ARHGAP20: variants seen among roughly 807,000 people sequenced by gnomAD.
The protein encoded by ARHGAP20 is Rho GTPase activating protein 20.
Under a neutral mutation model 73.7 loss-of-function variants are expected in ARHGAP20, and 34 were observed. That is an observed-to-expected ratio of 0.46 (90% CI 0.35 to 0.61). The LOEUF is 0.61. Ranked by LOEUF, ARHGAP20 falls within the 20% of genes least tolerant of loss-of-function variation. The probability of loss-of-function intolerance (pLI) is 0.00; values close to 1 mark genes in which losing one functional copy is unlikely to be tolerated. For synonymous variants in ARHGAP20, 523 were observed against 518.2 expected (o/e 1.01, Z -0.13); for missense variants, 1,314 against 1,420.9 (o/e 0.92, Z 1.21).
intron 9 of ARHGAP20, among the ~76,000 whole-genome samples, chr11:110,601,286 A>G (rs1438089581): frequency 2.0e-5 from 3 of 152,252 alleles, no homozygotes; most frequent in Non-Finnish European, 2.9e-5. Flanking sequence ...CTATGTTTAT[A>G]CTATGTGCCA....
intron 3 of ARHGAP20, among the ~76,000 whole-genome samples, chr11:110,626,985 G>A (rs1948757690): frequency 6.6e-6 from 1 of 152,198 alleles, no homozygotes; most frequent in South Asian, 2.1e-4. Flanking sequence ...CTAATTTAAT[G>A]TGAACCGGCT....
At chr11:110,608,746 A>G (rs1423871276) in intron 8 of ARHGAP20, among the ~76,000 whole-genome samples, 1 of 152,236 alleles carries the variant, frequency 6.6e-6, no homozygotes, top group Non-Finnish European at 1.5e-5. Flanking sequence ...TTGTCAAATG[A>G]AAAAGCAGAG....
intron 2 of ARHGAP20, among the ~76,000 whole-genome samples, chr11:110,656,776 T>G (rs12282524): frequency 0.018 from 2,715 of 152,322 alleles, 91 homozygotes; most frequent in African/African-American, 0.062. Flanking sequence ...AAACTTTTTT[T>G]GGGAGAAAAT....
At position 110,579,688 on chromosome 11, in the gene ARHGAP20, C is replaced by G; in HGVS notation, c.3258G>C (p.Leu1086=). 1 of 1,614,222 alleles carries G rather than the reference C, an allele frequency of 6.2e-7. No individual in the cohort carries two copies. Among genetic ancestry groups the G allele is most frequent in the East Asian group, 2.2e-5 (1 of 44,884 alleles). Residue 1086 remains leucine (L), a synonymous_variant, in exon 15 of 15, where the codon CTG becomes CTC. Coordinates refer to ENST00000683387, the MANE Select transcript of ARHGAP20 (RefSeq NM_001384657.1). ...AGGGCAAGTCTTTTTGTTCCTCTTG[C>G]AGTGAGTTGGCTTCTGGAACACCAG... ...HASGVPEANS[L]QEEQKDLPLR...
At chr11:110,636,919 C>T (rs1948980521) in intron 2 of ARHGAP20, among the ~76,000 whole-genome samples, 1 of 151,796 alleles carries the variant, frequency 6.6e-6, no homozygotes, top group African/African-American at 2.4e-5. Context: ...TCTATTTAGC[C>T]TTTTAATATA....
intron 2 of ARHGAP20, among the ~76,000 whole-genome samples, chr11:110,657,769 C>T (rs1281365901): frequency 1.3e-5 from 2 of 152,010 alleles, no homozygotes; most frequent in Admixed American, 6.6e-5. Context: ...GTGGCACATG[C>T]TTGTACTCCC....
At chr11:110,648,221 G>GTAAATATATA (rs1949257915) in intron 2 of ARHGAP20, among the ~76,000 whole-genome samples, 2 of 76,666 alleles carry the variant, frequency 2.6e-5, no homozygotes, top group African/African-American at 4.9e-5. Flanking sequence ...ATATATATAT[G>GTAAATATATA]TATATATATA....
chr11:110,676,770 G>A (rs998892928), intron 2 of ARHGAP20, among the ~76,000 whole-genome samples: 1 of 151,412 alleles, frequency 6.6e-6, no homozygotes, highest in Non-Finnish European at 1.5e-5. Context: ...TGAAAAGTAG[G>A]TATTCTATAA....
chr11:110,694,096 T>C (rs1950292445), intron 1 of ARHGAP20, among the ~76,000 whole-genome samples: 1 of 151,910 alleles, frequency 6.6e-6, no homozygotes. Flanking sequence ...TTTGATATCG[T>C]ATCACTTACC....
chr11:110,578,026 G>C lies in ARHGAP20; in HGVS notation c.*1344C>G. ...CAGAGCAACTTCTTATAGGTTAGTA[G>C]TTAATGTGAAAGAAGATGCACATCC... On this transcript the variant is annotated 3_prime_UTR_variant, in exon 15 of 15. Transcript: ENST00000683387. 2 of 985,378 alleles carry C rather than the reference G, an allele frequency of 2.0e-6. No individual in the cohort carries two copies. Among genetic ancestry groups the C allele is most frequent in the South Asian group, 9.4e-5 (2 of 21,274 alleles). 61.0% of individuals were successfully genotyped at this position (985,378 alleles called of 1,614,324 possible). A position where few individuals can be genotyped will look rare whatever the true frequency, so the allele number is the denominator to read the frequency against.
intron 7 of ARHGAP20, among the ~76,000 whole-genome samples, chr11:110,610,894 A>T (rs1948350954): frequency 6.6e-6 from 1 of 152,148 alleles, no homozygotes; most frequent in South Asian, 2.1e-4. Flanking sequence ...TTCAGAATTC[A>T]TCATCCTAAG....
intron 2 of ARHGAP20, among the ~76,000 whole-genome samples, chr11:110,687,237 A>AG (rs1950155536): frequency 6.8e-6 from 1 of 147,984 alleles, no homozygotes; most frequent in Non-Finnish European, 1.5e-5. Flanking sequence ...TGCCCGGCTA[A>AG]TTTTTTTTTT....
chr11:110,599,677 TA>T (rs971247314), intron 9 of ARHGAP20, among the ~76,000 whole-genome samples: 3 of 152,184 alleles, frequency 2.0e-5, no homozygotes, highest in Non-Finnish European at 2.9e-5. Flanking sequence ...CATGGACAAA[TA>T]AGCCAGCTCT....
intron 1 of ARHGAP20, among the ~76,000 whole-genome samples, chr11:110,694,784 T>G (rs984014227): frequency 5.9e-5 from 9 of 151,646 alleles, no homozygotes; most frequent in African/African-American, 2.2e-4. Flanking sequence ...GCAAGCATAT[T>G]TTTGCATTCC....
At chr11:110,582,692 T>C (rs1361001605) in intron 13 of ARHGAP20, among the ~76,000 whole-genome samples, 6 of 152,240 alleles carry the variant, frequency 3.9e-5, no homozygotes, top group African/African-American at 1.4e-4. Flanking sequence ...TGGCTCTGTC[T>C]GTAAAATTGG....
At chr11:110,601,827 T>TA (rs1417413319) in intron 9 of ARHGAP20, among the ~76,000 whole-genome samples, 10 of 150,796 alleles carry the variant, frequency 6.6e-5, no homozygotes, top group African/African-American at 2.5e-4. Context: ...CTACTAAAAA[T>TA]ACAAAAAATA....
chr11:110,662,428 A>G (rs1258843568), intron 2 of ARHGAP20, among the ~76,000 whole-genome samples: 1 of 151,978 alleles, frequency 6.6e-6, no homozygotes, highest in Non-Finnish European at 1.5e-5. Context: ...CGTGACTTTA[A>G]AAAACACTAA....
chr11:110,710,255 G>A (rs1366999047), intron 1 of ARHGAP20, among the ~76,000 whole-genome samples: 1 of 152,184 alleles, frequency 6.6e-6, no homozygotes, highest in Non-Finnish European at 1.5e-5. Context: ...GTTTGTTAAT[G>A]TGTGAACCTG....
intron 1 of ARHGAP20, among the ~76,000 whole-genome samples, chr11:110,711,033 G>T (rs45533738): frequency 0.016 from 2,406 of 146,304 alleles, 47 homozygotes; most frequent in African/African-American, 0.045. Flanking sequence ...CAAAATATCG[G>T]AAAGTCTTAT....
Sources: allele counts gnomAD v4.1 joint callset (sites outside exome capture counted in the v4.1 genomes callset), GRCh38; gene constraint gnomAD v4.1.1; transcripts MANE v1.5; gene names NCBI Gene and HGNC (gene_info 2026-07-23, HGNC 2026-07-21).